Variants in DGKB observed in about 807,000 individuals in gnomAD.
DGKB encodes the protein 90 kDa diacylglycerol kinase.
DGKB carries 67 observed loss-of-function variants against 114.3 expected under a neutral mutation model. The ratio of observed to expected loss-of-function variants is 0.59; its 90% CI spans 0.48 to 0.72. The LOEUF (loss-of-function observed/expected upper bound fraction) is 0.72. DGKB is among the 30% of genes least tolerant of loss of function. The pLI is 0.00. For synonymous variants in DGKB, 398 were observed against 323.1 expected (o/e 1.23, Z -2.49); for missense variants, 907 against 975.2 (o/e 0.93, Z 0.93).
chr7:14,949,843 A>G (rs1446482996), intron 1 of DGKB, among the ~76,000 whole-genome samples: 1 of 151,896 alleles, frequency 6.6e-6, no homozygotes, highest in African/African-American at 2.4e-5. Context: ...TCAGCACACT[A>G]TTGCAAGGAC....
At chr7:14,808,679 G>A (rs1367412904) in intron 2 of DGKB, among the ~76,000 whole-genome samples, 1 of 152,074 alleles carries the variant, frequency 6.6e-6, no homozygotes, top group African/African-American at 2.4e-5. Flanking sequence ...CAGTAACCCA[G>A]GTGGAAACTG....
At chr7:14,327,540 GAC>G (rs1405336717) in intron 23 of DGKB, among the ~76,000 whole-genome samples, 1 of 152,034 alleles carries the variant, frequency 6.6e-6, no homozygotes, top group Non-Finnish European at 1.5e-5. Flanking sequence ...TTTAAAATGA[GAC>G]ACACAGATTA....
At chr7:14,331,655 C>T (rs575136062) in intron 23 of DGKB, among the ~76,000 whole-genome samples, 1 of 152,232 alleles carries the variant, frequency 6.6e-6, no homozygotes, top group Admixed American at 6.5e-5. Context: ...TTCCAGCACT[C>T]ACCACCAGTG....
intron 23 of DGKB, among the ~76,000 whole-genome samples, chr7:14,257,318 A>G (rs1157973265): frequency 6.6e-6 from 1 of 152,122 alleles, no homozygotes; most frequent in African/African-American, 2.4e-5. Flanking sequence ...AAACACAGAC[A>G]TTTTTATTAG....
chr7:14,392,995 G>GTTTTTGTTTTTTTGTTTTTTT lies in DGKB; in HGVS notation c.1836-47605_1836-47604insAAAAAAACAAAAAAACAAAAA. ...CAAAACAGACCTGTTTTTTGTTTTT[G>GTTTTTGTTTTTTTGTTTTTTT]TTTTTTTTTTTTTGAGACGGAGTCT... On this transcript the variant is annotated intron_variant, in intron 21 of 25. Coordinates refer to ENST00000402815, the MANE Select transcript of DGKB (RefSeq NM_001350709.2). 1.3e-4 allele frequency among the ~76,000 whole-genome samples: 8 copies of GTTTTTGTTTTTTTGTTTTTTT among 60,548 alleles called. No individual in the cohort carries two copies. The East Asian group carries it at 2.1e-3, about 16-fold the overall frequency. 39.7% of individuals were successfully genotyped at this position (60,548 alleles called of 152,430 possible). A position where few individuals can be genotyped will look rare whatever the true frequency, so the allele number is the denominator to read the frequency against.
chr7:14,765,912 A>G (rs951435716), intron 2 of DGKB, among the ~76,000 whole-genome samples: 1 of 151,926 alleles, frequency 6.6e-6, no homozygotes, highest in African/African-American at 2.4e-5. Context: ...AGTGTTTGCC[A>G]ATTGCTGTCT....
Position 14,832,723 on chromosome 7 carries a change from A to G in DGKB, c.70+8471T>C, listed in dbSNP as rs1586798198. On this transcript the variant is annotated intron_variant, in intron 2 of 25. Coordinates refer to ENST00000402815, the MANE Select transcript of DGKB (RefSeq NM_001350709.2). Reference sequence around the variant, plus strand: ...GTTTTCATGGAGATCTCATCTTCCAACTGTCTTATAAATAAATCTTTCTAG... The same window carrying G: ...GTTTTCATGGAGATCTCATCTTCCAGCTGTCTTATAAATAAATCTTTCTAG... Among the ~76,000 whole-genome samples the G allele has an allele frequency of 2.6e-5, 4 of 152,122 alleles. No individual in the cohort carries two copies. In the East Asian group the frequency reaches 7.7e-4, roughly 29 times the overall value.
At chr7:14,917,918 G>A (rs1157455347) in intron 1 of DGKB, among the ~76,000 whole-genome samples, 1 of 152,002 alleles carries the variant, frequency 6.6e-6, no homozygotes, top group Non-Finnish European at 1.5e-5. Flanking sequence ...CACCAAGTGC[G>A]ATTTATTCCA....
chr7:14,848,908 T>C (rs2128154554), intron 1 of DGKB, among the ~76,000 whole-genome samples: 1 of 152,202 alleles, frequency 6.6e-6, no homozygotes, highest in South Asian at 2.1e-4. Context: ...CCTTCTCTTT[T>C]CAAAAGCATC....
chr7:14,281,814 G>A (rs1419919336), intron 23 of DGKB, among the ~76,000 whole-genome samples: 1 of 149,240 alleles, frequency 6.7e-6, no homozygotes, highest in Non-Finnish European at 1.5e-5. Flanking sequence ...TGAAACCAAC[G>A]AGAACAAAGA....
chr7:14,799,190 A>G (rs757362626), intron 2 of DGKB, among the ~76,000 whole-genome samples: 34 of 152,212 alleles, frequency 2.2e-4, no homozygotes, highest in South Asian at 8.3e-4. Flanking sequence ...TACCTGGTAT[A>G]GAGCTGTTAA....
chr7:14,741,047 C>T (rs949128775), intron 4 of DGKB, among the ~76,000 whole-genome samples: 1 of 152,036 alleles, frequency 6.6e-6, no homozygotes, highest in African/African-American at 2.4e-5. Flanking sequence ...CTGGGGGGCT[C>T]CTTTGAAAAA....
intron 1 of DGKB, among the ~76,000 whole-genome samples, chr7:14,867,287 A>G (rs1851832483): frequency 6.6e-6 from 1 of 152,142 alleles, no homozygotes; most frequent in African/African-American, 2.4e-5. Context: ...TTGTATCTGA[A>G]AAGTCATTAC....
At chr7:14,174,644 C>T (rs952379322) in intron 25 of DGKB, among the ~76,000 whole-genome samples, 1 of 152,140 alleles carries the variant, frequency 6.6e-6, no homozygotes, top group African/African-American at 2.4e-5. Context: ...ATCACAACCA[C>T]CACCATTGCA....
At chr7:14,793,576 C>G (rs1045088536) in intron 2 of DGKB, among the ~76,000 whole-genome samples, 4 of 152,050 alleles carry the variant, frequency 2.6e-5, no homozygotes, top group African/African-American at 7.2e-5. Flanking sequence ...AATTAATACT[C>G]AACAGTTTTT....
intron 23 of DGKB, among the ~76,000 whole-genome samples, chr7:14,234,805 T>G (rs2128349033): frequency 6.6e-6 from 1 of 152,174 alleles, no homozygotes; most frequent in South Asian, 2.1e-4. Flanking sequence ...TTTAAAGCAA[T>G]GTAGTCCTTT....
chr7:14,783,800 C>A (rs1007321847), intron 2 of DGKB, among the ~76,000 whole-genome samples: 3 of 152,170 alleles, frequency 2.0e-5, no homozygotes, highest in Non-Finnish European at 4.4e-5. Flanking sequence ...TTGATAGATT[C>A]AATGCTTTCC....
At chr7:14,747,119 G>A (rs1027995180) in intron 4 of DGKB, among the ~76,000 whole-genome samples, 3 of 151,504 alleles carry the variant, frequency 2.0e-5, no homozygotes, top group African/African-American at 7.3e-5. Context: ...GTGTTCTTTG[G>A]AGCAAAATTA....
chr7:14,550,930 G>C (rs1373422910), intron 20 of DGKB, among the ~76,000 whole-genome samples: 1 of 152,134 alleles, frequency 6.6e-6, no homozygotes, highest in Non-Finnish European at 1.5e-5. Context: ...CTCACGACTA[G>C]ACAAAAAATT....
Sources: gnomAD v4.1 joint callset for allele counts (sites outside exome capture counted in the v4.1 genomes callset) on GRCh38, gnomAD v4.1.1 for gene constraint, MANE v1.5 for transcripts, NCBI Gene and HGNC (gene_info 2026-07-23, HGNC 2026-07-21) for gene names.